Variants in C15orf40 observed in about 807,000 individuals in gnomAD.
C15orf40 encodes the protein chromosome 15 open reading frame 40.
In C15orf40, 9 loss-of-function variants were observed where a neutral mutation model predicts 13.9. The ratio of observed to expected loss-of-function variants is 0.65; its 90% confidence interval spans 0.39 to 1.13. C15orf40 has a LOEUF of 1.13. C15orf40 is among the 50% of genes most tolerant of loss of function. C15orf40 has a pLI of 0.01. For synonymous variants in C15orf40, 95 were observed against 69.2 expected (o/e 1.37, Z -1.85); for missense variants, 225 against 188.5 (o/e 1.19, Z -1.13).
Position 82,998,279 on chromosome 15 carries a change from C to CA in C15orf40, c.*7317dup, listed in dbSNP as rs1555435113. On this transcript the variant is annotated 3_prime_UTR_variant, in exon 4 of 4. Transcript: ENST00000304177. ...GCCGGGCGGGGGACTGACCCCCCCC[C>CA]ACCTCCCTCCCGGACGGGGTGGCTG... 3 of 149,524 alleles carry CA rather than the reference C, an allele frequency of 2.0e-5. No homozygotes were observed. Among genetic ancestry groups the CA allele is most frequent in the Non-Finnish European group, 4.2e-5 (3 of 71,904 alleles). The allele number at this position is 149,524 out of a possible 1,614,324, so 9.3% of individuals were successfully genotyped here. A position where few individuals can be genotyped will look rare whatever the true frequency, so the allele number is the denominator to read the frequency against.
rs1442085885 is a variant in C15orf40, at chr15:83,001,443, T to C, written c.*4154A>G. ...TATGTCGGCATAGTTGGATAAATAT[T>C]TTTCAAACCTTATTCATAGGCTGCT... is the stretch of plus-strand genomic sequence containing the variant. On this transcript the variant is annotated 3_prime_UTR_variant, in exon 4 of 4. Transcript: ENST00000304177. 1 of 342,580 alleles carries C rather than the reference T, an allele frequency of 2.9e-6. No homozygotes were observed. Among genetic ancestry groups the C allele is most frequent in the East Asian group, 1.7e-4 (1 of 6,050 alleles). The allele number at this position is 342,580 out of a possible 1,614,324, so 21.2% of individuals were successfully genotyped here.
rs542813070 is a variant in C15orf40, at chr15:83,010,815, G to A, written c.112-452C>T. ...TGTTATGGGACAGGGGCTGTGCTAG[G>A]AACTTTCGTTCAACAAATATGTAGG... On this transcript the variant is annotated intron_variant, in intron 1 of 3. Transcript: ENST00000304177. 6.3e-5 allele frequency: 10 copies of A among 159,572 alleles called. No individual in the cohort carries two copies. In the South Asian group the frequency reaches 1.7e-3, roughly 28 times the overall value. 9.9% of individuals were successfully genotyped at this position (159,572 alleles called of 1,614,324 possible).
chr15:83,006,330 T>C (rs2031677308), intron 3 of C15orf40: 15 of 911,494 alleles, frequency 1.6e-5, no homozygotes, highest in Non-Finnish European at 2.0e-5. Context: ...TGCAATTTTA[T>C]ATAAACTTTG....
chr15:83,005,813 A>C, intron 3 of C15orf40, 121 bp from the exon 4 acceptor site: 1 of 1,345,428 alleles, frequency 7.4e-7, no homozygotes, highest in South Asian at 1.8e-5. Context: ...CTTCTGGTCT[A>C]ACCAAAGACT....
At chr15:83,009,273 T>C (rs2031867439) in intron 2 of C15orf40, among the ~76,000 whole-genome samples, 1 of 151,516 alleles carries the variant, frequency 6.6e-6, no homozygotes, top group South Asian at 2.1e-4. Context: ...TTAATCCTTA[T>C]AATAACTTTA....
chr15:83,010,078 C>T (rs934695356), intron 2 of C15orf40, among the ~76,000 whole-genome samples, 159 bp downstream of exon 2: 8 of 152,182 alleles, frequency 5.3e-5, no homozygotes, highest in African/African-American at 2.4e-5. Context: ...CTTTAAGACA[C>T]CTTTACATTA....
At chr15:82,990,724 C>T (rs1263604017), downstream of C15orf40, 6 of 1,304,144 alleles carry the variant, frequency 4.6e-6, no homozygotes, top group Admixed American at 6.2e-5. Flanking sequence ...TAAGGGTACA[C>T]ATCATTTTAT....
rs1043695757 is a variant in C15orf40 at position 83,004,187 on chromosome 15, G to T, written c.*1410C>A. 2 of 258,676 alleles carry T rather than the reference G, an allele frequency of 7.7e-6. No individual in the cohort carries two copies. The highest frequency in any genetic ancestry group is 1.8e-4 in the East Asian group (1 of 5,648). The allele number at this position is 258,676 out of a possible 1,614,324, so 16.0% of individuals were successfully genotyped here. ...TACAGGGTCTCACTTCGTTGCCCAGGCTGGTCTCAAACTCCTGGGCTCAAG... is the reference window on the plus strand; with the variant it reads ...TACAGGGTCTCACTTCGTTGCCCAGTCTGGTCTCAAACTCCTGGGCTCAAG... On this transcript the variant is annotated 3_prime_UTR_variant, in exon 4 of 4. Transcript: ENST00000304177.
rs748078883 is a variant in C15orf40 at position 83,011,559 on chromosome 15, T to G, written c.49A>C (p.Thr17Pro). 1.2e-6 allele frequency: 2 copies of G among 1,605,734 alleles called. No individual in the cohort carries two copies. The highest frequency in any genetic ancestry group is 1.7e-5 in the Admixed American group (1 of 59,800). The change falls in exon 1 of 4, where the codon ACT (threonine) becomes CCT (proline). Residue 17 changes from threonine to proline, a missense_variant. Transcript: ENST00000304177. ...CAAAGAAGCCGAGCGGAGCCCCGAGTATTGGGTGTTGCCCGAAGGTGCCTC... is the reference window on the plus strand; with the variant it reads ...CAAAGAAGCCGAGCGGAGCCCCGAGGATTGGGTGTTGCCCGAAGGTGCCTC... ...GLRHLRATPN[T>P]RGSARLLCAE...
At chr15:83,011,438 G>T (rs1409421505) in intron 1 of C15orf40, 59 bp downstream of exon 1, 4 of 1,515,634 alleles carry the variant, frequency 2.6e-6, no homozygotes, top group Non-Finnish European at 3.6e-6. Flanking sequence ...CTTCTCCCGC[G>T]CTCTTCAACA....
At chr15:83,006,784 ATT>A (rs1206853482) in intron 3 of C15orf40, among the ~76,000 whole-genome samples, 7 of 152,178 alleles carry the variant, frequency 4.6e-5, no homozygotes, top group African/African-American at 7.2e-5. Flanking sequence ...AAAAGAAAGG[ATT>A]TGTTTTCAAA....
Position 83,010,242 on chromosome 15 carries a change from A to C in C15orf40, c.233T>G (p.Val78Gly). 1.2e-6 allele frequency: 2 copies of C among 1,614,166 alleles called. No individual in the cohort carries two copies. The highest frequency in any genetic ancestry group is 1.7e-6 in the Non-Finnish European group (2 of 1,180,012). The part of the protein sequence containing the change: ...HAKPGSKQNA[V>G]TDLTAEAVNV... ...ACCCCAGTGTCCAGGTATACCTGTTACAGCATTTTGTTTGGAGCCAGGTTT... is the reference window on the plus strand; with the variant it reads ...ACCCCAGTGTCCAGGTATACCTGTTCCAGCATTTTGTTTGGAGCCAGGTTT... The change falls in exon 2 of 4, where the codon GTA (valine) becomes GGA (glycine). Residue 78 changes from valine to glycine, a missense_variant. Val to Gly is a moderately radical substitution (Grantham distance 109, BLOSUM62 -3). Coordinates refer to ENST00000304177, the MANE Select transcript of C15orf40 (RefSeq NM_144597.3).
chr15:83,005,763 C>A, intron 3 of C15orf40, 71 bp from the exon 4 acceptor site: 2 of 1,520,664 alleles, frequency 1.3e-6, no homozygotes, highest in South Asian at 1.2e-5. Context: ...AGCAGACCTC[C>A]GTTGTATAAT....
chr15:82,991,912 AG>A (rs1424209174), downstream of C15orf40: 1 of 1,289,012 alleles, frequency 7.8e-7, no homozygotes, highest in Admixed American at 2.3e-5. Flanking sequence ...TGAAAGCAGA[AG>A]TGTTATCAAA....
chr15:83,009,102 AAAAT>A, intron 2 of C15orf40, among the ~76,000 whole-genome samples: 1 of 152,294 alleles, frequency 6.6e-6, no homozygotes, highest in East Asian at 1.9e-4. Context: ...CCTCAACAGG[AAAAT>A]GAGAGCCCCG....
rs1301457134 is a variant in C15orf40 at position 82,996,426 on chromosome 15, G to A, written c.*9171C>T. The A allele has an allele frequency of 1.3e-5, 2 of 151,724 alleles. No homozygotes were observed. Among genetic ancestry groups the A allele is most frequent in the African/African-American group, 4.8e-5 (2 of 41,296 alleles). The allele number at this position is 151,724 out of a possible 1,614,324, so 9.4% of individuals were successfully genotyped here. ...GAGGCCGAGGCAGGCGGATCACGAG[G>A]TCAGGAGATCGAGACCATTCTGGCT... On this transcript the variant is annotated 3_prime_UTR_variant, in exon 4 of 4. Coordinates refer to ENST00000304177, the MANE Select transcript of C15orf40 (RefSeq NM_144597.3).
At position 83,004,841 on chromosome 15, in the gene C15orf40, G is replaced by C. The variant is rs973192410; in HGVS notation, c.*756C>G. 2.3e-6 allele frequency: 3 copies of C among 1,287,546 alleles called. No individual in the cohort carries two copies. The African/African-American group carries it at 4.6e-5, about 20-fold the overall frequency. The allele number at this position is 1,287,546 out of a possible 1,614,324, so 79.8% of individuals were successfully genotyped here. ...AAACTGGATTAGAAGGCAATCCCCA[G>C]AATTCCAGAACCGTTGTGGAGATAT... On this transcript the variant is annotated 3_prime_UTR_variant, in exon 4 of 4. Coordinates refer to ENST00000304177, the MANE Select transcript of C15orf40 (RefSeq NM_144597.3).
At chr15:82,994,230 A>C (rs966631286), downstream of C15orf40, among the ~76,000 whole-genome samples, 36 of 152,232 alleles carry the variant, frequency 2.4e-4, no homozygotes, top group African/African-American at 8.2e-4. Context: ...CTTTAAGTTT[A>C]GAATGTTAAA....
intron 3 of C15orf40, 137 bp from the exon 4 acceptor site, chr15:83,005,829 T>G: frequency 7.8e-7 from 1 of 1,283,416 alleles, no homozygotes; most frequent in Non-Finnish European, 1.0e-6. Flanking sequence ...AGACTATCTC[T>G]TAGATTCTTC....
Sources: allele counts gnomAD v4.1 joint callset (sites outside exome capture counted in the v4.1 genomes callset), GRCh38; gene constraint gnomAD v4.1.1; transcripts MANE v1.5; gene names NCBI Gene and HGNC (gene_info 2026-07-23, HGNC 2026-07-21).